Variants in SLC39A11 observed in about 807,000 individuals in gnomAD.
SLC39A11 encodes zinc transporter ZIP11.
A neutral mutation model predicts 36.1 loss-of-function variants in SLC39A11; 33 were observed. The ratio of observed to expected loss-of-function variants is 0.91; its 90% confidence interval spans 0.69 to 1.22. The LOEUF (loss-of-function observed/expected upper bound fraction) is 1.22. Among genes scored for constraint, SLC39A11 ranks in the 50% most tolerant of loss-of-function variants. The pLI is 0.00. For synonymous variants in SLC39A11, 166 were observed against 170.3 expected, an observed-to-expected ratio of 0.97 and a Z score of 0.20; for missense variants, 432 against 430.3, an observed-to-expected ratio of 1.00 and a Z score of -0.03.
intron 7 of SLC39A11, among the ~76,000 whole-genome samples, chr17:72,734,216 CAAG>C (rs1413537717): frequency 1.3e-5 from 2 of 152,142 alleles, no homozygotes; most frequent in Admixed American, 6.5e-5. Flanking sequence ...TCTTGCCACC[CAAG>C]AAGAAGATGC....
chr17:72,758,157 A>T (rs2144487891), intron 6 of SLC39A11, among the ~76,000 whole-genome samples: 1 of 152,308 alleles, frequency 6.6e-6, no homozygotes, highest in East Asian at 1.9e-4. Flanking sequence ...AAGTGCTGGG[A>T]TTATAAATGT....
intron 4 of SLC39A11, among the ~76,000 whole-genome samples, chr17:72,979,263 G>C (rs141692040): frequency 0.012 from 1,818 of 152,164 alleles, 40 homozygotes; most frequent in African/African-American, 0.041. Flanking sequence ...TTTCCTGAGG[G>C]CTCCCCAGCC....
intron 6 of SLC39A11, among the ~76,000 whole-genome samples, chr17:72,827,961 A>G (rs2078101873): frequency 6.6e-6 from 1 of 152,234 alleles, no homozygotes; most frequent in African/African-American, 2.4e-5. Flanking sequence ...ATCCACGGCA[A>G]TGCTGCTTTG....
intron 4 of SLC39A11, among the ~76,000 whole-genome samples, chr17:72,979,201 C>T (rs370805274): frequency 8.8e-4 from 134 of 152,282 alleles, no homozygotes; most frequent in Non-Finnish European, 1.4e-3. Flanking sequence ...TCCTTCCTGC[C>T]GCCTTGTGAA....
chr17:72,912,383 G>C (rs1351532629), intron 5 of SLC39A11, among the ~76,000 whole-genome samples: 4 of 151,786 alleles, frequency 2.6e-5, no homozygotes, highest in Admixed American at 6.6e-5. Flanking sequence ...GGTGCCCCAA[G>C]TCAGAAGAGA....
At chr17:72,838,839 C>T (rs191937687) in intron 6 of SLC39A11, among the ~76,000 whole-genome samples, 26 of 152,204 alleles carry the variant, frequency 1.7e-4, no homozygotes, top group African/African-American at 4.6e-4. Context: ...TGGCTCATCA[C>T]GAAGAACTGA....
intron 7 of SLC39A11, among the ~76,000 whole-genome samples, chr17:72,677,109 G>T (rs2071298097): frequency 6.6e-6 from 1 of 152,222 alleles, no homozygotes; most frequent in Non-Finnish European, 1.5e-5. Flanking sequence ...TGCACAAGCA[G>T]CAGCCGCAGT....
chr17:72,776,424 G>A (rs775285323), intron 6 of SLC39A11, among the ~76,000 whole-genome samples: 1 of 152,096 alleles, frequency 6.6e-6, no homozygotes, highest in Non-Finnish European at 1.5e-5. Context: ...TGCAATGCTT[G>A]ACTTTATATT....
chr17:72,752,451 G>A (rs1278508004), intron 6 of SLC39A11, among the ~76,000 whole-genome samples: 1 of 152,034 alleles, frequency 6.6e-6, no homozygotes, highest in Non-Finnish European at 1.5e-5. Flanking sequence ...CACCATGTTG[G>A]CCAGGCTGGT....
At chr17:72,782,879 G>T (rs949805110) in intron 6 of SLC39A11, among the ~76,000 whole-genome samples, 1 of 150,942 alleles carries the variant, frequency 6.6e-6, no homozygotes, top group Non-Finnish European at 1.5e-5. Flanking sequence ...GTGCCCACTT[G>T]CAATGCTAGC....
At chr17:72,652,510 G>A (rs1341383061) in intron 7 of SLC39A11, among the ~76,000 whole-genome samples, 1 of 152,220 alleles carries the variant, frequency 6.6e-6, no homozygotes, top group Non-Finnish European at 1.5e-5. Flanking sequence ...GCACACGGGA[G>A]CTAGTATGCA....
intron 6 of SLC39A11, among the ~76,000 whole-genome samples, chr17:72,754,356 G>A (rs1271360003): frequency 2.0e-5 from 3 of 152,068 alleles, no homozygotes; most frequent in African/African-American, 7.2e-5. Context: ...TACTGCTCGG[G>A]TAGTGGGTGC....
chr17:72,821,598 C>A (rs142740167), intron 6 of SLC39A11: 6 of 148,838 alleles, frequency 4.0e-5, no homozygotes, highest in Non-Finnish European at 7.5e-5. Flanking sequence ...ATACACACAG[C>A]ACAGTGTTAG....
chr17:72,986,306 T>C (rs2088750630), intron 4 of SLC39A11, among the ~76,000 whole-genome samples: 1 of 152,160 alleles, frequency 6.6e-6, no homozygotes, highest in African/African-American at 2.4e-5. Flanking sequence ...GGGGGAGATG[T>C]TGAGGTGATG....
intron 7 of SLC39A11, among the ~76,000 whole-genome samples, chr17:72,681,437 C>T (rs1184717435): frequency 6.6e-6 from 1 of 152,126 alleles, no homozygotes; most frequent in African/African-American, 2.4e-5. Context: ...GCAGGAGTGG[C>T]CAGAGGTGAC....
chr17:72,865,424 A>C (rs2080254353), intron 5 of SLC39A11, among the ~76,000 whole-genome samples: 1 of 151,802 alleles, frequency 6.6e-6, no homozygotes, highest in Admixed American at 6.6e-5. Flanking sequence ...AAAAAAAAAA[A>C]AAACAACTTT....
intron 4 of SLC39A11, among the ~76,000 whole-genome samples, chr17:72,963,261 C>T (rs964946727): frequency 1.7e-4 from 26 of 148,820 alleles, no homozygotes; most frequent in African/African-American, 6.4e-4. Flanking sequence ...AGCTCCGCCT[C>T]CCGGGTTCAC....
intron 3 of SLC39A11, among the ~76,000 whole-genome samples, chr17:73,058,493 C>T (rs770937012): frequency 1.3e-5 from 2 of 152,110 alleles, no homozygotes; most frequent in Middle Eastern, 3.2e-3. Context: ...CAGGCCCAGA[C>T]GGGCAGATCA....
chr17:72,857,580 T>C (rs2079714001), intron 5 of SLC39A11, among the ~76,000 whole-genome samples: 3 of 152,194 alleles, frequency 2.0e-5, no homozygotes, highest in Admixed American at 2.0e-4. Flanking sequence ...TCAACAACGG[T>C]TGAACTAATT....
Sources: allele counts gnomAD v4.1 joint callset (sites outside exome capture counted in the v4.1 genomes callset), GRCh38; gene constraint gnomAD v4.1.1; transcripts MANE v1.5; gene names NCBI Gene and HGNC (gene_info 2026-07-23, HGNC 2026-07-21).